Variants in MIB2 observed in about 807,000 individuals in gnomAD.
MIB2 encodes the protein E3 ubiquitin-protein ligase MIB2.
MIB2 carries 78 observed loss-of-function variants against 96.6 expected under a neutral mutation model. The observed-to-expected ratio is 0.81, with a 90% CI of 0.67 to 0.97. MIB2 has a LOEUF of 0.97. MIB2 is among the 50% of genes least tolerant of loss of function. The pLI is 0.00. For synonymous variants in MIB2, 820 were observed against 629.5 expected (o/e 1.30, Z -4.53); for missense variants, 1,543 against 1,424.0 (o/e 1.08, Z -1.35).
chr1:1,627,547 GT>G, intron 12 of MIB2, 103 bp downstream of exon 12: 1 of 1,475,752 alleles, frequency 6.8e-7, no homozygotes, highest in Non-Finnish European at 8.9e-7. Flanking sequence ...GCGTCCTGGG[GT>G]GAGGCCTGGG....
At chr1:1,623,307 C>T (rs536264686) in intron 2 of MIB2, 124 bp from the exon 3 acceptor site, 23 of 1,440,048 alleles carry the variant, frequency 1.6e-5, no homozygotes, top group Admixed American at 1.0e-4. Flanking sequence ...CTGCCTGCCC[C>T]GTTGGGCCTC....
chr1:1,615,404 C>T (rs1643493028), upstream of MIB2: 2 of 1,456,138 alleles, frequency 1.4e-6, no homozygotes, highest in Non-Finnish European at 9.0e-7. Context: ...GCAGACGCTC[C>T]CGCGTGACGC....
At chr1:1,629,879 C>G (rs1638442284) in intron 19 of MIB2, among the ~76,000 whole-genome samples, 175 bp downstream of exon 19, 1 of 142,672 alleles carries the variant, frequency 7.0e-6, no homozygotes, top group African/African-American at 2.6e-5. Flanking sequence ...CCCGCCTGCT[C>G]CAGATCACAC....
Position 1,628,529 on chromosome 1 carries a change from C to A in MIB2, c.2009C>A (p.Ser670Tyr). Residue 670 changes from serine (S) to tyrosine (Y), a missense_variant, in exon 16 of 20, where the codon TCC (serine) becomes TAC (tyrosine). Physicochemically the swap from Ser to Tyr is moderately radical, Grantham distance 144. Coordinates refer to ENST00000355826, the MANE Select transcript of MIB2 (RefSeq NM_001170687.4). ...DVNVRNRKLQSPLHLAVQQAH... is the reference protein window; with the variant it reads ...DVNVRNRKLQYPLHLAVQQAH... ...AACGTGCGCAACCGGAAGCTGCAGT[C>A]CCCGCTGCATCTCGCCGTGCAACAG... 3.7e-6 allele frequency: 6 copies of A among 1,601,122 alleles called. No homozygotes were observed. The highest frequency in any genetic ancestry group is 4.2e-6 in the Non-Finnish European group (5 of 1,178,640).
In MIB2 at chr1:1,630,563, G is replaced by A. The variant is rs368024639; in HGVS notation, c.*33G>A. 3 of 1,463,504 alleles carry A rather than the reference G, an allele frequency of 2.0e-6. No individual in the cohort carries two copies. The highest frequency in any genetic ancestry group is 1.8e-6 in the Non-Finnish European group (2 of 1,092,536). The allele number at this position is 1,463,504 out of a possible 1,614,324, so 90.7% of individuals were successfully genotyped here. A position where few individuals can be genotyped will look rare whatever the true frequency, so the allele number is the denominator to read the frequency against. On this transcript the variant is annotated 3_prime_UTR_variant, in exon 20 of 20. Coordinates refer to ENST00000355826, the MANE Select transcript of MIB2 (RefSeq NM_001170687.4). The stretch of plus-strand genomic sequence containing the variant: ...CGTCCGCCGCGCCCGAGCTGCCTTC[G>A]CGTGCCCCCGCCCTGTGTTTTATAA...
At position 1,628,543 on chromosome 1, in the gene MIB2, G is replaced by C; in HGVS notation, c.2023G>C (p.Ala675Pro). The change falls in exon 16 of 20, where the codon GCC (alanine) becomes CCC (proline). Residue 675 changes from alanine to proline, a missense_variant. By Grantham distance (27) the Ala-to-Pro change is conservative. Coordinates refer to ENST00000355826, the MANE Select transcript of MIB2 (RefSeq NM_001170687.4). Reference protein sequence around the residue: ...NRKLQSPLHLAVQQAHVGLVP... With the variant: ...NRKLQSPLHLPVQQAHVGLVP... ...GAAGCTGCAGTCCCCGCTGCATCTCGCCGTGCAACAGGCCCACGTGGGGCT... is the reference window on the plus strand; with the variant it reads ...GAAGCTGCAGTCCCCGCTGCATCTCCCCGTGCAACAGGCCCACGTGGGGCT... 1 of 1,601,520 alleles carries C rather than the reference G, an allele frequency of 6.2e-7. No individual in the cohort carries two copies. Among genetic ancestry groups the C allele is most frequent in the Non-Finnish European group, 8.5e-7 (1 of 1,178,762 alleles).
At chr1:1,629,743 A>C in intron 19 of MIB2, 39 bp downstream of exon 19, 1 of 1,536,138 alleles carries the variant, frequency 6.5e-7, no homozygotes, top group South Asian at 1.3e-5. Context: ...CCTCCTGCTC[A>C]GCTGGTGGCC....
chr1:1,627,938 G>C (rs1216739442), intron 13 of MIB2, 81 bp from the exon 14 acceptor site: 1 of 1,603,602 alleles, frequency 6.2e-7, no homozygotes, highest in Non-Finnish European at 8.5e-7. Flanking sequence ...CCCCCTGCCC[G>C]TGAGTGCTGC....
At chr1:1,628,895 C>T in intron 16 of MIB2, 173 bp downstream of exon 16, 2 of 731,206 alleles carry the variant, frequency 2.7e-6, no homozygotes, top group African/African-American at 1.8e-5. Flanking sequence ...AGCCTGCACC[C>T]CTAGGCAGCC....
intron 4 of MIB2, 54 bp from the exon 5 acceptor site, chr1:1,624,741 T>G: frequency 6.6e-7 from 1 of 1,521,408 alleles, no homozygotes; most frequent in Non-Finnish European, 9.0e-7. Context: ...TGGCTCAAGA[T>G]GGGAAGAGAT....
chr1:1,623,581 C>T lies in MIB2; in HGVS notation c.129C>T (p.Gly43=), dbSNP rs377118455. The stretch of plus-strand genomic sequence containing the variant: ...CGGTGGTGGAGCTTGGCCGCCACGG[C>T]AGCCCCTCGACACCCGACCGCACAG... The part of the protein sequence containing the change: ...VGTVVELGRH[G]SPSTPDRTVV... The change falls in exon 3 of 20, where the codon GGC becomes GGT. Residue 43 remains glycine (G), a synonymous_variant. Transcript: ENST00000355826. The T allele has an allele frequency of 2.3e-5, 35 of 1,513,618 alleles. No individual in the cohort carries two copies. Among genetic ancestry groups the T allele is most frequent in the Non-Finnish European group, 2.8e-5 (32 of 1,131,538 alleles). 93.8% of individuals were successfully genotyped at this position (1,513,618 alleles called of 1,614,324 possible).
intron 2 of MIB2, among the ~76,000 whole-genome samples, chr1:1,622,717 C>T (rs1404957437): frequency 6.6e-6 from 1 of 152,222 alleles, no homozygotes; most frequent in African/African-American, 2.4e-5. Context: ...CGGCCTCTGT[C>T]GTGAGTGCCT....
In MIB2 at chr1:1,622,194, TGTTCCTGGG is replaced by T. The variant is rs1412780558; in HGVS notation, c.-22-1236_-22-1228del. Among the ~76,000 whole-genome samples, 4 of 152,324 alleles carry T rather than the reference TGTTCCTGGG, an allele frequency of 2.6e-5. No individual in the cohort carries two copies. The East Asian group carries it at 7.7e-4, about 29-fold the overall frequency. On this transcript the variant is annotated intron_variant, in intron 2 of 19. Coordinates refer to ENST00000355826, the MANE Select transcript of MIB2 (RefSeq NM_001170687.4). ...TGTCCCCCACCTCTGCTTCAGGCAG[TGTTCCTGGG>T]CTGCCTCCTTCCCTGGCCATGGGGT...
At chr1:1,619,885 G>A (rs552430642) in intron 2 of MIB2, among the ~76,000 whole-genome samples, 4 of 152,362 alleles carry the variant, frequency 2.6e-5, no homozygotes, top group African/African-American at 9.6e-5. Flanking sequence ...GTGGGCCAGG[G>A]CTGGAGAGCT....
intron 4 of MIB2, 76 bp from the exon 5 acceptor site, chr1:1,624,719 C>A: frequency 1.5e-6 from 2 of 1,369,326 alleles, no homozygotes; most frequent in East Asian, 4.9e-5. Flanking sequence ...TCCACTGCAT[C>A]GCTCTCCCAA....
chr1:1,629,641 T>A lies in MIB2; in HGVS notation c.2566T>A (p.Cys856Ser), dbSNP rs760101751. The A allele has an allele frequency of 1.3e-6, 2 of 1,592,200 alleles. No individual in the cohort carries two copies. Among genetic ancestry groups the A allele is most frequent in the Non-Finnish European group, 1.7e-6 (2 of 1,169,584 alleles). The change falls in exon 19 of 20, where the codon TGC becomes AGC. Residue 856 changes from cysteine to serine, a missense_variant and splice_region_variant. Transcript: ENST00000355826. ...CAACCGCGCTCTCCTCTTCGCAGAG[T>A]GCGCGCGCAGGATGAAGAAGTGCAT... ...PCQHRTVCEE[C>S]ARRMKKCIRC... is the part of the protein sequence containing the mutation.
chr1:1,625,994 T>G lies in MIB2; in HGVS notation c.972+341T>G. On this transcript the variant is annotated intron_variant, in intron 8 of 19. Coordinates refer to ENST00000355826, the MANE Select transcript of MIB2 (RefSeq NM_001170687.4). This position sits in a 1 kb window ranked among gnomAD's most constrained non-coding sequence, Gnocchi z 5.0. The stretch of plus-strand genomic sequence containing the variant: ...CTGGTTAGTGCTGTATGGGGGCCGA[T>G]GGGGGTGGCTGGTTAGGACAGGGAG... 1.4e-5 allele frequency: 3 copies of G among 215,924 alleles called. No individual in the cohort carries two copies. The highest frequency in any genetic ancestry group is 1.7e-5 in the Non-Finnish European group (2 of 118,262). The allele number at this position is 215,924 out of a possible 1,614,324, so 13.4% of individuals were successfully genotyped here.
chr1:1,627,538 C>A (rs990612599), intron 12 of MIB2, 94 bp downstream of exon 12: 1 of 1,471,592 alleles, frequency 6.8e-7, no homozygotes, highest in African/African-American at 1.4e-5. Context: ...TGAGCCTGTG[C>A]GTCCTGGGGT....
rs76008910 is a variant in MIB2 at position 1,621,086 on chromosome 1, T to C, written c.-22-2345T>C. On this transcript the variant is annotated intron_variant, in intron 2 of 19. Transcript: ENST00000355826. ...GCCTGGCACAGATTCTCTCTGGTTCTTATGTTTCATTCATGCAGCCATTCA... is the reference window on the plus strand; with the variant it reads ...GCCTGGCACAGATTCTCTCTGGTTCCTATGTTTCATTCATGCAGCCATTCA... Among the ~76,000 whole-genome samples the C allele has an allele frequency of 4.6e-5, 7 of 152,360 alleles. No homozygotes were observed. In the East Asian group the frequency reaches 1.4e-3, roughly 29 times the overall value.
Sources: gnomAD v4.1 joint callset for allele counts (sites outside exome capture counted in the v4.1 genomes callset) on GRCh38, gnomAD v4.1.1 for gene constraint, Gnocchi (gnomAD v3.1) non-coding constraint, MANE v1.5 for transcripts, NCBI Gene and HGNC (gene_info 2026-07-23, HGNC 2026-07-21) for gene names.